GALNT13: variants seen among roughly 807,000 people sequenced by gnomAD.
The protein encoded by GALNT13 is UDP-GalNAc:polypeptide N-acetylgalactosaminyltransferase 13.
A neutral mutation model predicts 64.2 loss-of-function variants in GALNT13; 28 were observed. That is an observed-to-expected ratio of 0.44 (90% CI 0.32 to 0.60). The LOEUF is 0.60. Among genes scored for constraint, GALNT13 ranks in the 20% least tolerant of loss-of-function variants. The probability of loss-of-function intolerance (pLI) is 0.05; values close to 1 mark genes in which losing one functional copy is unlikely to be tolerated. For synonymous variants in GALNT13, 214 were observed against 224.6 expected, an observed-to-expected ratio of 0.95 and a Z score of 0.42; for missense variants, 577 against 669.8, an observed-to-expected ratio of 0.86 and a Z score of 1.53.
chr2:153,936,671 A>G (rs1330679430), intron 2 of GALNT13, among the ~76,000 whole-genome samples: 1 of 152,186 alleles, frequency 6.6e-6, no homozygotes, highest in African/African-American at 2.4e-5. Context: ...TTTAAATGTG[A>G]TAGAAGCTGT....
chr2:154,243,671 A>G (rs1445442873), intron 6 of GALNT13, among the ~76,000 whole-genome samples: 1 of 152,224 alleles, frequency 6.6e-6, no homozygotes, highest in Admixed American at 6.5e-5. Context: ...ATATTTATAA[A>G]CACTGGTGAT....
chr2:154,112,287 A>G (rs1703029770), intron 3 of GALNT13, among the ~76,000 whole-genome samples: 1 of 152,188 alleles, frequency 6.6e-6, no homozygotes, highest in South Asian at 2.1e-4. Context: ...GAGCCCACGT[A>G]TAACCTCAGT....
the GALNT13 span, among the ~76,000 whole-genome samples, chr2:153,485,353 T>G: frequency 2.0e-5 from 3 of 152,250 alleles, no homozygotes; most frequent in Non-Finnish European, 4.4e-5. Context: ...TTTCTTTCAC[T>G]GCTTTTAAAC....
chr2:153,620,935 TG>T, the GALNT13 span, among the ~76,000 whole-genome samples: 110 of 152,156 alleles, frequency 7.2e-4, no homozygotes, highest in African/African-American at 2.5e-3. Flanking sequence ...TGAAAAGACT[TG>T]GGTGTTGTGA....
the GALNT13 span, among the ~76,000 whole-genome samples, chr2:153,073,674 A>G: frequency 6.6e-6 from 1 of 152,180 alleles, no homozygotes; most frequent in Non-Finnish European, 1.5e-5. Context: ...CAAAGTGACC[A>G]TTTTATTGTC....
intron 3 of GALNT13, among the ~76,000 whole-genome samples, chr2:154,081,716 CA>C (rs1701280927): frequency 6.6e-6 from 1 of 151,698 alleles, no homozygotes; most frequent in Non-Finnish European, 1.5e-5. Context: ...ACAAGAGATC[CA>C]AATGTAGTTT....
chr2:153,742,136 A>G, the GALNT13 span, among the ~76,000 whole-genome samples: 1 of 151,898 alleles, frequency 6.6e-6, no homozygotes, highest in Admixed American at 6.6e-5. Context: ...ATTAACCCCA[A>G]TCCCCAGCCT....
chr2:153,366,174 T>C, the GALNT13 span, among the ~76,000 whole-genome samples: 3 of 152,062 alleles, frequency 2.0e-5, no homozygotes, highest in Non-Finnish European at 4.4e-5. Context: ...TTCTCACTTG[T>C]AAGTAGGAGT....
the GALNT13 span, among the ~76,000 whole-genome samples, chr2:153,717,792 T>A: frequency 1.6e-4 from 25 of 152,286 alleles, no homozygotes; most frequent in South Asian, 3.9e-3. Context: ...ACTGGATTAC[T>A]TCGAGTAAAA....
At chr2:153,875,726 G>C (rs1335927843) in intron 1 of GALNT13, among the ~76,000 whole-genome samples, 1 of 152,146 alleles carries the variant, frequency 6.6e-6, no homozygotes, top group Non-Finnish European at 1.5e-5. Flanking sequence ...TCGAGAAAAT[G>C]CTTGAGAATA....
the GALNT13 span, among the ~76,000 whole-genome samples, chr2:153,839,374 A>AGTAT: frequency 1.3e-5 from 2 of 152,062 alleles, no homozygotes; most frequent in South Asian, 2.1e-4. Flanking sequence ...TTCACTGCTG[A>AGTAT]GTATGATGTT....
chr2:153,087,846 C>T, the GALNT13 span, among the ~76,000 whole-genome samples: 8 of 151,974 alleles, frequency 5.3e-5, no homozygotes, highest in African/African-American at 1.2e-4. Context: ...GAACTTATTT[C>T]GATATTCTCT....
the GALNT13 span, among the ~76,000 whole-genome samples, chr2:153,080,301 G>A: frequency 0.038 from 5,800 of 151,992 alleles, 370 homozygotes; most frequent in African/African-American, 0.13. Flanking sequence ...CAGTTTTATT[G>A]ATAAATGTAT....
At chr2:153,617,394 G>A in the GALNT13 span, among the ~76,000 whole-genome samples, 22 of 152,028 alleles carry the variant, frequency 1.4e-4, no homozygotes, top group East Asian at 2.1e-3. Flanking sequence ...AACCATCCTC[G>A]CATCCCAGGG....
At chr2:153,237,203 A>C in the GALNT13 span, among the ~76,000 whole-genome samples, 1 of 151,894 alleles carries the variant, frequency 6.6e-6, no homozygotes, top group East Asian at 1.9e-4. Flanking sequence ...TTCCTCTTAA[A>C]AATTTTTTTG....
At chr2:153,749,520 T>A in the GALNT13 span, among the ~76,000 whole-genome samples, 1 of 152,086 alleles carries the variant, frequency 6.6e-6, no homozygotes, top group Non-Finnish European at 1.5e-5. Flanking sequence ...CTTTCTTCAG[T>A]GTTTCATACT....
At chr2:153,461,088 T>C in the GALNT13 span, among the ~76,000 whole-genome samples, 2 of 152,272 alleles carry the variant, frequency 1.3e-5, no homozygotes, top group East Asian at 3.9e-4. Flanking sequence ...TGTTTTTGAT[T>C]TATCAATTGT....
chr2:153,277,245 C>A, the GALNT13 span, among the ~76,000 whole-genome samples: 1 of 152,148 alleles, frequency 6.6e-6, no homozygotes. Context: ...CTATTACTCT[C>A]ATTTTTATGG....
the GALNT13 span, among the ~76,000 whole-genome samples, chr2:153,257,251 A>T: frequency 1.3e-5 from 2 of 152,066 alleles, no homozygotes; most frequent in African/African-American, 2.4e-5. Flanking sequence ...TTGACTAGGA[A>T]AGGGAACTCC....
Sources: allele counts gnomAD v4.1 joint callset (sites outside exome capture counted in the v4.1 genomes callset), GRCh38; gene constraint gnomAD v4.1.1; transcripts MANE v1.5; gene names NCBI Gene and HGNC (gene_info 2026-07-23, HGNC 2026-07-21).